RGS8: variants seen among roughly 807,000 people sequenced by gnomAD.
The protein encoded by RGS8 is regulator of G-protein signaling 8.
RGS8 carries 8 observed loss-of-function variants against 21.7 expected under a neutral mutation model. The observed-to-expected ratio is 0.37, with a 90% CI of 0.22 to 0.66. The LOEUF (loss-of-function observed/expected upper bound fraction) is 0.66, where lower values mean the gene tolerates loss of function less well. Ranked by LOEUF, RGS8 falls within the 30% of genes least tolerant of loss-of-function variation. The pLI, the probability that RGS8 is intolerant of heterozygous loss-of-function variation, is 0.59. For missense variants in RGS8, 157 were observed against 217.9 expected, an observed-to-expected ratio of 0.72 and a Z score of 1.76; for synonymous variants, 80 against 83.6, an observed-to-expected ratio of 0.96 and a Z score of 0.24.
At chr1:182,678,713 C>T (rs1040017337) in intron 1 of RGS8, among the ~76,000 whole-genome samples, 1 of 152,202 alleles carries the variant, frequency 6.6e-6, no homozygotes, top group African/African-American at 2.4e-5. Context: ...ACCTCCACAG[C>T]CCTTCTCTGT....
chr1:182,716,886 G>A, the RGS8 span, among the ~76,000 whole-genome samples: 2 of 152,120 alleles, frequency 1.3e-5, no homozygotes, highest in African/African-American at 4.8e-5. Flanking sequence ...TTTGGGATCA[G>A]GCAGAAAATC....
At chr1:182,724,244 A>ATATC in the RGS8 span, among the ~76,000 whole-genome samples, 20 of 119,732 alleles carry the variant, frequency 1.7e-4, no homozygotes, top group African/African-American at 3.0e-4. Context: ...ATATATATAT[A>ATATC]TATCCTATTA....
the RGS8 span, among the ~76,000 whole-genome samples, chr1:182,692,581 T>C: frequency 0.015 from 2,204 of 144,170 alleles, 50 homozygotes; most frequent in African/African-American, 0.054. Context: ...GCTATACCTA[T>C]CAAACTACCA....
At chr1:182,671,789 T>A in intron 1 of RGS8, 59 bp from the exon 3 acceptor site, 1 of 1,611,508 alleles carries the variant, frequency 6.2e-7, no homozygotes, top group Non-Finnish European at 8.5e-7. Flanking sequence ...GAAGGGCATG[T>A]GTGCATGAAC....
At chr1:182,723,396 G>A in the RGS8 span, among the ~76,000 whole-genome samples, 2 of 152,106 alleles carry the variant, frequency 1.3e-5, no homozygotes, top group African/African-American at 2.4e-5. Context: ...GGCTGTTGGC[G>A]TGAGGCCTCA....
At chr1:182,745,020 G>C in the RGS8 span, among the ~76,000 whole-genome samples, 1 of 152,066 alleles carries the variant, frequency 6.6e-6, no homozygotes, top group Admixed American at 6.5e-5. Flanking sequence ...TACATATATG[G>C]TCTTTTTGAA....
intron 5 of RGS8, among the ~76,000 whole-genome samples, chr1:182,655,244 C>T (rs1663215747): frequency 6.6e-6 from 1 of 152,222 alleles, no homozygotes; most frequent in Admixed American, 6.5e-5. Flanking sequence ...TGACAGTAAC[C>T]TGAGGGATGC....
chr1:182,673,603 T>C (rs1664260913), upstream of RGS8, among the ~76,000 whole-genome samples: 2 of 152,244 alleles, frequency 1.3e-5, no homozygotes, highest in South Asian at 4.1e-4. Context: ...TCATTGTCTC[T>C]TTCTGATATC....
chr1:182,674,933 T>C (rs1353996223), upstream of RGS8, among the ~76,000 whole-genome samples: 2 of 152,162 alleles, frequency 1.3e-5, no homozygotes, highest in Admixed American at 1.3e-4. Flanking sequence ...TCCCAGTCTA[T>C]ACTCACTCCT....
chr1:182,658,835 A>T (rs750120841), intron 5 of RGS8, among the ~76,000 whole-genome samples: 20 of 152,260 alleles, frequency 1.3e-4, no homozygotes, highest in Non-Finnish European at 2.8e-4. Flanking sequence ...CAACAGAGCA[A>T]GACCCTGTCT....
At chr1:182,648,742 G>GA (rs1018009709) in intron 5 of RGS8, among the ~76,000 whole-genome samples, 3 of 148,328 alleles carry the variant, frequency 2.0e-5, no homozygotes, top group Non-Finnish European at 3.0e-5. Context: ...CTCAAAAAAA[G>GA]AAAAAAAAAG....
chr1:182,669,521 T>G (rs28718029), intron 3 of RGS8, 103 bp downstream of exon 4: 1 of 1,551,156 alleles, frequency 6.4e-7, no homozygotes, highest in Non-Finnish European at 8.9e-7. Context: ...AGACCACGCA[T>G]GGGCTCAGAA....
intron 2 of RGS8, among the ~76,000 whole-genome samples, 172 bp downstream of exon 3, chr1:182,671,485 G>C (rs919719481): frequency 2.6e-5 from 4 of 152,214 alleles, no homozygotes; most frequent in Admixed American, 1.3e-4. Flanking sequence ...AAGAAAAAAT[G>C]AAAGTTAAAA....
chr1:182,719,765 A>C, the RGS8 span, among the ~76,000 whole-genome samples: 1 of 152,100 alleles, frequency 6.6e-6, no homozygotes, highest in Non-Finnish European at 1.5e-5. Context: ...AAAGGAAAAA[A>C]AAAAACACTG....
At chr1:182,666,235 G>A (rs1001448689) in intron 4 of RGS8, among the ~76,000 whole-genome samples, 4 of 152,108 alleles carry the variant, frequency 2.6e-5, no homozygotes, top group African/African-American at 9.7e-5. Flanking sequence ...AAAACCTCAA[G>A]ACTGAAATTC....
chr1:182,696,506 C>T, the RGS8 span, among the ~76,000 whole-genome samples: 23 of 151,958 alleles, frequency 1.5e-4, no homozygotes, highest in Non-Finnish European at 3.2e-4. Flanking sequence ...TACAGGCACC[C>T]ACCACCACAC....
chr1:182,704,389 C>A, the RGS8 span, among the ~76,000 whole-genome samples: 3 of 152,186 alleles, frequency 2.0e-5, no homozygotes, highest in East Asian at 1.9e-4. Flanking sequence ...CTTAGGCAGG[C>A]CCCGTCATAA....
At chr1:182,669,559 G>C in intron 3 of RGS8, 65 bp downstream of exon 4, 1 of 1,610,574 alleles carries the variant, frequency 6.2e-7, no homozygotes. Flanking sequence ...AATAACAGAG[G>C]GTGTGACAAG....
chr1:182,711,085 G>A, the RGS8 span, among the ~76,000 whole-genome samples: 1 of 152,192 alleles, frequency 6.6e-6, no homozygotes, highest in African/African-American at 2.4e-5. Flanking sequence ...GGCCCAAGAA[G>A]GAGATCACAC....
Sources: gnomAD v4.1 joint callset for allele counts (sites outside exome capture counted in the v4.1 genomes callset) on GRCh38, gnomAD v4.1.1 for gene constraint, MANE v1.5 for transcripts, NCBI Gene and HGNC (gene_info 2026-07-23, HGNC 2026-07-21) for gene names.